Variants in SNTG1 observed in about 807,000 individuals in gnomAD.
SNTG1 encodes the protein gamma-1-syntrophin.
In SNTG1, 39 loss-of-function variants were observed where a neutral mutation model predicts 74.7. The observed-to-expected ratio is 0.52, with a 90% CI of 0.40 to 0.68. The LOEUF (loss-of-function observed/expected upper bound fraction) is 0.68. Among genes scored for constraint, SNTG1 ranks in the 30% least tolerant of loss-of-function variants. The pLI, the probability that SNTG1 is intolerant of heterozygous loss-of-function variation, is 0.00. For missense variants in SNTG1, 685 were observed against 609.5 expected (o/e 1.12, Z -1.30); for synonymous variants, 254 against 217.1 (o/e 1.17, Z -1.49).
intron 17 of SNTG1, among the ~76,000 whole-genome samples, chr8:50,718,140 G>A (rs2095479238): frequency 6.6e-6 from 1 of 152,068 alleles, no homozygotes; most frequent in African/African-American, 2.4e-5. Flanking sequence ...ATTAGCAATA[G>A]TTGGAAAAAA....
intron 18 of SNTG1, among the ~76,000 whole-genome samples, chr8:50,772,524 T>C (rs1374862750): frequency 6.6e-6 from 1 of 152,064 alleles, no homozygotes; most frequent in Non-Finnish European, 1.5e-5. Context: ...TTGCCCTGAG[T>C]CTCAAAAGAG....
At chr8:50,121,152 T>C (rs1327896536) in intron 1 of SNTG1, among the ~76,000 whole-genome samples, 1 of 142,706 alleles carries the variant, frequency 7.0e-6, no homozygotes, top group Non-Finnish European at 1.6e-5. Context: ...GACCATTATT[T>C]TTTATACGTA....
intron 1 of SNTG1, among the ~76,000 whole-genome samples, chr8:50,064,791 T>C (rs1000492653): frequency 3.9e-5 from 6 of 152,246 alleles, no homozygotes; most frequent in Middle Eastern, 3.4e-3. Context: ...TGGTTGCAGC[T>C]CCCCTGCTAG....
chr8:50,309,672 G>A lies in SNTG1; in HGVS notation c.-27-84540G>A, dbSNP rs947578805. On this transcript the variant is annotated intron_variant, in intron 2 of 18. Transcript: ENST00000642720. ...AACAAATATACCATATCTTAGTAGC[G>A]GTTTAGGTATGCAGCTATTTTAAAG... Among the ~76,000 whole-genome samples the A allele has an allele frequency of 7.9e-5, 12 of 152,240 alleles. No individual in the cohort carries two copies. The South Asian group carries it at 8.3e-4, about 11-fold the overall frequency.
At chr8:50,569,863 C>T (rs1380152252) in intron 12 of SNTG1, among the ~76,000 whole-genome samples, 1 of 151,978 alleles carries the variant, frequency 6.6e-6, no homozygotes, top group African/African-American at 2.4e-5. Flanking sequence ...CAAAGAGGTG[C>T]CAACCAAAAA....
At chr8:50,061,408 A>AT (rs982663925) in intron 1 of SNTG1, among the ~76,000 whole-genome samples, 6 of 151,866 alleles carry the variant, frequency 4.0e-5, no homozygotes, top group African/African-American at 1.5e-4. Context: ...GTGTCTTCTA[A>AT]TTTTTTTGTC....
intron 13 of SNTG1, among the ~76,000 whole-genome samples, chr8:50,608,690 G>A (rs1321671273): frequency 8.6e-5 from 13 of 151,714 alleles, no homozygotes; most frequent in African/African-American, 2.7e-4. Context: ...AGGTGTTTCA[G>A]TCAATCACAT....
intron 1 of SNTG1, among the ~76,000 whole-genome samples, chr8:49,938,637 T>TTCTTTCTTTCTTTCTTTCTTTCTTTCTC (rs1585581799): frequency 6.8e-6 from 1 of 146,370 alleles, no homozygotes; most frequent in Non-Finnish European, 1.5e-5. Flanking sequence ...CTTTCTTTCT[T>TTCTTTCTTTCTTTCTTTCTTTCTTTCTC]TCTTTCCTTC....
At chr8:50,524,430 T>A (rs1438597401) in intron 9 of SNTG1, among the ~76,000 whole-genome samples, 1 of 152,156 alleles carries the variant, frequency 6.6e-6, no homozygotes. Context: ...GAAATAATCA[T>A]GTTAATATAC....
chr8:50,178,308 C>A (rs2083073316), intron 2 of SNTG1, among the ~76,000 whole-genome samples: 1 of 151,748 alleles, frequency 6.6e-6, no homozygotes, highest in African/African-American at 2.4e-5. Context: ...CTTCCTCTAC[C>A]TCTCCCTCTT....
At chr8:50,287,275 A>G (rs1325409538) in intron 2 of SNTG1, among the ~76,000 whole-genome samples, 1 of 152,194 alleles carries the variant, frequency 6.6e-6, no homozygotes, top group Non-Finnish European at 1.5e-5. Context: ...AATACTTACT[A>G]GTGAAACTTA....
chr8:50,005,813 T>G (rs1433615079), intron 1 of SNTG1, among the ~76,000 whole-genome samples: 1 of 152,020 alleles, frequency 6.6e-6, no homozygotes, highest in Non-Finnish European at 1.5e-5. Context: ...TTTCAGTATT[T>G]TTCTCTCTAC....
At chr8:50,381,864 T>A (rs2092494052) in intron 2 of SNTG1, 1 of 142,096 alleles carries the variant, frequency 7.0e-6, no homozygotes, top group Non-Finnish European at 1.5e-5. Context: ...GAAGGGGAGT[T>A]TATTAAGTAT....
rs989201873 is a variant in SNTG1 at position 50,794,687 on chromosome 8, C to A, written c.*1858C>A. 6.6e-6 allele frequency: 1 copy of A among 151,916 alleles called. No individual in the cohort carries two copies. The highest frequency in any genetic ancestry group is 2.4e-5 in the African/African-American group (1 of 41,410). 9.4% of individuals were successfully genotyped at this position (151,916 alleles called of 1,614,324 possible). A position where few individuals can be genotyped will look rare whatever the true frequency, so the allele number is the denominator to read the frequency against. ...TCGAACTTAGAATTTTCAGCTGTGG[C>A]AAGTGGTTCATTATGGAACTTCTGC... On this transcript the variant is annotated 3_prime_UTR_variant, in exon 19 of 19. Coordinates refer to ENST00000642720, the MANE Select transcript of SNTG1 (RefSeq NM_018967.5).
chr8:50,608,392 ATATATT>A lies in SNTG1; in HGVS notation c.849+17480_849+17485del, dbSNP rs1470748774. On this transcript the variant is annotated intron_variant, in intron 13 of 18. Coordinates refer to ENST00000642720, the MANE Select transcript of SNTG1 (RefSeq NM_018967.5). ...ATTGTGTTTCTGTTGTTAGGTACTT[ATATATT>A]TATAACTGTTATGTATTCAAAATAT... 2.6e-5 allele frequency among the ~76,000 whole-genome samples: 4 copies of A among 151,762 alleles called. No individual in the cohort carries two copies. In the East Asian group the frequency reaches 7.7e-4, roughly 29 times the overall value.
At chr8:50,227,737 A>C (rs1389628394) in intron 2 of SNTG1, among the ~76,000 whole-genome samples, 1 of 143,232 alleles carries the variant, frequency 7.0e-6, no homozygotes, top group Non-Finnish European at 1.6e-5. Flanking sequence ...AAGTCAAGGG[A>C]ACAAGGATAA....
chr8:50,412,981 T>G (rs1392195137), intron 4 of SNTG1, among the ~76,000 whole-genome samples: 2 of 152,150 alleles, frequency 1.3e-5, no homozygotes, highest in Non-Finnish European at 2.9e-5. Context: ...CAAAAAAGCT[T>G]AGACCATTTA....
intron 4 of SNTG1, among the ~76,000 whole-genome samples, chr8:50,427,464 C>G: frequency 6.6e-6 from 1 of 152,148 alleles, no homozygotes; most frequent in East Asian, 1.9e-4. Context: ...GGGTCTCCCT[C>G]TGTTACCAAG....
chr8:50,514,892 T>C (rs1483345806), intron 9 of SNTG1, among the ~76,000 whole-genome samples: 1 of 152,164 alleles, frequency 6.6e-6, no homozygotes, highest in Non-Finnish European at 1.5e-5. Context: ...TTCATATATT[T>C]GGATATTTGG....
Sources: gnomAD v4.1 joint callset for allele counts (sites outside exome capture counted in the v4.1 genomes callset) on GRCh38, gnomAD v4.1.1 for gene constraint, MANE v1.5 for transcripts, NCBI Gene and HGNC (gene_info 2026-07-23, HGNC 2026-07-21) for gene names.